The following GNA12 variants were observed in gnomAD, a reference collection of about 807,000 sequenced individuals.
GNA12 encodes the protein guanine nucleotide-binding protein subunit alpha-12.
In GNA12, 9 loss-of-function variants were observed where a neutral mutation model predicts 26.0. The observed-to-expected ratio is 0.35, with a 90% CI of 0.21 to 0.60. GNA12 has a LOEUF of 0.60. GNA12 is among the 20% of genes least tolerant of loss of function. The pLI is 0.78. For missense variants in GNA12, 405 were observed against 525.8 expected, an observed-to-expected ratio of 0.77 and a Z score of 2.25; for synonymous variants, 264 against 219.6, an observed-to-expected ratio of 1.20 and a Z score of -1.79.
At chr7:2,829,437 C>T (rs970136467) in intron 1 of GNA12, among the ~76,000 whole-genome samples, 6 of 152,226 alleles carry the variant, frequency 3.9e-5, no homozygotes, top group African/African-American at 1.4e-4. Context: ...GATTCAGAGA[C>T]ATCCCCTTGC....
Position 2,739,364 on chromosome 7 carries a change from G to C in GNA12, c.526-5863C>G, listed in dbSNP as rs371008948. On this transcript the variant is annotated intron_variant, in intron 2 of 3. Transcript: ENST00000275364. ...TTTGCCGGTTCTGGATCTCTCATTG[G>C]AGCGCATTCACACAGCATGCAGCCC... Among the ~76,000 whole-genome samples, 3 of 152,136 alleles carry C rather than the reference G, an allele frequency of 2.0e-5. No homozygotes were observed. The East Asian group carries it at 5.8e-4, about 29-fold the overall frequency.
At chr7:2,796,216 C>T (rs187430320) in intron 1 of GNA12, among the ~76,000 whole-genome samples, 226 of 152,248 alleles carry the variant, frequency 1.5e-3, no homozygotes, top group African/African-American at 5.0e-3. Context: ...GATGTCTGAA[C>T]GGTACCAAGC....
At chr7:2,741,162 G>A (rs1323633925) in intron 2 of GNA12, among the ~76,000 whole-genome samples, 1 of 152,224 alleles carries the variant, frequency 6.6e-6, no homozygotes, top group East Asian at 1.9e-4. Context: ...AAATTTTACA[G>A]TATGTTTTAA....
chr7:2,826,836 GAAACTATT>G, intron 1 of GNA12, among the ~76,000 whole-genome samples: 1 of 152,158 alleles, frequency 6.6e-6, no homozygotes, highest in Non-Finnish European at 1.5e-5. Flanking sequence ...TTAGGGCAGT[GAAACTATT>G]TTGAATGATG....
chr7:2,746,447 A>G (rs2115346987), intron 2 of GNA12, among the ~76,000 whole-genome samples: 1 of 152,372 alleles, frequency 6.6e-6, no homozygotes, highest in Middle Eastern at 3.4e-3. Flanking sequence ...GAAGGCAGAA[A>G]TAAAGATGTT....
At chr7:2,810,920 A>T (rs768044836) in intron 1 of GNA12, among the ~76,000 whole-genome samples, 1 of 151,826 alleles carries the variant, frequency 6.6e-6, no homozygotes, top group Non-Finnish European at 1.5e-5. Flanking sequence ...AAAGAAAGAA[A>T]GAAAAAAACA....
chr7:2,775,081 A>G (rs562765491), intron 2 of GNA12, among the ~76,000 whole-genome samples: 26 of 152,342 alleles, frequency 1.7e-4, no homozygotes, highest in African/African-American at 6.0e-4. Flanking sequence ...GATGACTAAC[A>G]TCTTTCAAGT....
intron 1 of GNA12, among the ~76,000 whole-genome samples, chr7:2,802,987 G>C (rs1407325357): frequency 6.6e-6 from 1 of 152,168 alleles, no homozygotes; most frequent in Non-Finnish European, 1.5e-5. Flanking sequence ...CAAATGCACT[G>C]CCGTACGGGA....
chr7:2,744,558 A>G (rs1332425977), intron 2 of GNA12, among the ~76,000 whole-genome samples: 1 of 152,218 alleles, frequency 6.6e-6, no homozygotes, highest in African/African-American at 2.4e-5. Context: ...AAAAGACCAC[A>G]AAGATGGGGA....
chr7:2,764,057 A>G (rs972767775), intron 2 of GNA12, among the ~76,000 whole-genome samples: 2 of 151,702 alleles, frequency 1.3e-5, no homozygotes, highest in African/African-American at 4.8e-5. Flanking sequence ...GTGTCCTCTG[A>G]TTGGTTGAGT....
intron 2 of GNA12, among the ~76,000 whole-genome samples, chr7:2,788,484 A>C (rs1342428196): frequency 2.0e-5 from 3 of 152,224 alleles, no homozygotes; most frequent in Admixed American, 6.5e-5. Flanking sequence ...AAGAAAAGAC[A>C]CAACTTATAT....
chr7:2,758,027 G>A (rs1168844150), intron 2 of GNA12, among the ~76,000 whole-genome samples: 1 of 152,178 alleles, frequency 6.6e-6, no homozygotes, highest in Non-Finnish European at 1.5e-5. Flanking sequence ...ATAAATGTCT[G>A]GAAAACCTCT....
chr7:2,797,895 G>C (rs1000875091), intron 1 of GNA12, among the ~76,000 whole-genome samples: 13 of 152,096 alleles, frequency 8.5e-5, no homozygotes, highest in South Asian at 6.2e-4. Flanking sequence ...CAGAAACTCA[G>C]AGTCTGGCTA....
At chr7:2,833,971 T>A (rs1178047194) in intron 1 of GNA12, among the ~76,000 whole-genome samples, 1 of 152,220 alleles carries the variant, frequency 6.6e-6, no homozygotes, top group Non-Finnish European at 1.5e-5. Flanking sequence ...TAATCTTTGA[T>A]ATTCCACAAC....
At chr7:2,816,063 G>A (rs543196658) in intron 1 of GNA12, among the ~76,000 whole-genome samples, 2 of 152,312 alleles carry the variant, frequency 1.3e-5, no homozygotes, top group South Asian at 2.1e-4. Context: ...GCACGGAGGC[G>A]TGGACACGGA....
chr7:2,813,695 A>C (rs938965931), intron 1 of GNA12, among the ~76,000 whole-genome samples: 1 of 152,230 alleles, frequency 6.6e-6, no homozygotes, highest in Admixed American at 6.5e-5. Context: ...GAGGAGCAGG[A>C]AACAGCGTAT....
At chr7:2,841,884 T>A (rs1778998390) in intron 1 of GNA12, among the ~76,000 whole-genome samples, 1 of 152,130 alleles carries the variant, frequency 6.6e-6, no homozygotes, top group South Asian at 2.1e-4. Flanking sequence ...GCAGGTTTTC[T>A]GGCATGGCAA....
At chr7:2,758,473 G>A (rs186653190) in intron 2 of GNA12, among the ~76,000 whole-genome samples, 1 of 152,214 alleles carries the variant, frequency 6.6e-6, no homozygotes, top group African/African-American at 2.4e-5. Flanking sequence ...AATGACACAC[G>A]CCCTGTGCAA....
Position 2,737,681 on chromosome 7 carries a change from T to C in GNA12, c.526-4180A>G, listed in dbSNP as rs147121861. The stretch of plus-strand genomic sequence containing the variant: ...GACCGAAAACAGGGCTTGTTAATGG[T>C]GAGCTAGAGGATTCCAAAATCTAGT... On this transcript the variant is annotated intron_variant, in intron 2 of 3. Transcript: ENST00000275364. Among the ~76,000 whole-genome samples, 410 of 152,278 alleles carry C rather than the reference T, an allele frequency of 2.7e-3. 2 individuals carry two copies. Among genetic ancestry groups the C allele is most frequent in the African/African-American group, 9.3e-3 (386 of 41,552 alleles).
Sources: gnomAD v4.1 joint callset for allele counts (sites outside exome capture counted in the v4.1 genomes callset) on GRCh38, gnomAD v4.1.1 for gene constraint, MANE v1.5 for transcripts, NCBI Gene and HGNC (gene_info 2026-07-23, HGNC 2026-07-21) for gene names.